The following PDCD11 variants were observed in gnomAD, a reference collection of about 807,000 sequenced individuals.
PDCD11 encodes the protein programmed cell death 11.
In PDCD11, 97 loss-of-function variants were observed where a neutral mutation model predicts 198.9. The ratio of observed to expected loss-of-function variants is 0.49; its 90% CI spans 0.41 to 0.58. The LOEUF (loss-of-function observed/expected upper bound fraction) is 0.58. Ranked by LOEUF, PDCD11 falls within the 20% of genes least tolerant of loss-of-function variation. PDCD11 has a pLI of 0.00. For synonymous variants in PDCD11, 893 were observed against 918.0 expected (o/e 0.97, Z 0.49); for missense variants, 2,102 against 2,312.7 (o/e 0.91, Z 1.87).
intron 8 of PDCD11, among the ~76,000 whole-genome samples, chr10:103,410,253 G>A (rs995510743): frequency 6.0e-5 from 9 of 151,144 alleles, no homozygotes; most frequent in African/African-American, 2.2e-4. Context: ...AAAAAAAAGT[G>A]TTATGGAAGG....
intron 7 of PDCD11, among the ~76,000 whole-genome samples, chr10:103,408,472 C>T (rs752651396): frequency 2.0e-5 from 3 of 152,108 alleles, no homozygotes; most frequent in Admixed American, 6.5e-5. Context: ...TACTAAAAAA[C>T]TGTGAGCAAG....
chr10:103,419,414 T>C, intron 15 of PDCD11, 124 bp from the exon 16 acceptor site: 1 of 1,079,586 alleles, frequency 9.3e-7, no homozygotes, highest in South Asian at 1.6e-5. Context: ...TCTGCACACT[T>C]AGAGAATCGC....
In PDCD11 at chr10:103,441,816, G is replaced by T. The variant is rs746598611; in HGVS notation, c.4558-10G>T. 2.5e-6 allele frequency: 4 copies of T among 1,613,678 alleles called. No individual in the cohort carries two copies. In the South Asian group the frequency reaches 4.4e-5, roughly 18 times the overall value. ...CAGGTGCTTTCTTTAGCGCCTCTGT[G>T]TTCCTCCAGGAGAAGCAAACCAAGC... On this transcript the variant is annotated splice_polypyrimidine_tract_variant and intron_variant, in intron 30 of 35. Transcript: ENST00000369797.
intron 7 of PDCD11, among the ~76,000 whole-genome samples, chr10:103,408,028 C>T (rs2030567198): frequency 6.6e-6 from 1 of 152,146 alleles, no homozygotes; most frequent in African/African-American, 2.4e-5. Context: ...CTACTATGAC[C>T]TTGAACAGCT....
chr10:103,406,932 C>A, intron 7 of PDCD11, 142 bp downstream of exon 7: 1 of 582,086 alleles, frequency 1.7e-6, no homozygotes, highest in Non-Finnish European at 2.9e-6. Flanking sequence ...GTGGCCAGTG[C>A]CACATGTTGA....
At chr10:103,421,600 AG>A in intron 17 of PDCD11, 33 bp downstream of exon 17, 1 of 1,249,474 alleles carries the variant, frequency 8.0e-7, no homozygotes. Context: ...GAGGTGGGCC[AG>A]GGGTGGGAGT....
At chr10:103,425,706 G>T (rs2031667289) in intron 20 of PDCD11, among the ~76,000 whole-genome samples, 181 bp downstream of exon 20, 1 of 151,782 alleles carries the variant, frequency 6.6e-6, no homozygotes, top group Admixed American at 6.6e-5. Context: ...TTGAGACGGA[G>T]TCTCACTCTG....
chr10:103,445,623 A>T lies in PDCD11; in HGVS notation c.*74A>T. On this transcript the variant is annotated 3_prime_UTR_variant, in exon 36 of 36. Coordinates refer to ENST00000369797, the MANE Select transcript of PDCD11 (RefSeq NM_014976.2). ...CCGCCTCGAGTGCCTGGGCACTCGG[A>T]AAACTGTTACCTCAGGACTCTATTT... is the stretch of plus-strand genomic sequence containing the variant. 7.8e-7 allele frequency: 1 copy of T among 1,285,326 alleles called. No individual in the cohort carries two copies. Among genetic ancestry groups the T allele is most frequent in the South Asian group, 1.3e-5 (1 of 78,332 alleles). 79.6% of individuals were successfully genotyped at this position (1,285,326 alleles called of 1,614,324 possible).
chr10:103,403,825 C>CTG (rs1454208105), intron 4 of PDCD11, among the ~76,000 whole-genome samples: 2 of 152,080 alleles, frequency 1.3e-5, no homozygotes, highest in Non-Finnish European at 2.9e-5. Flanking sequence ...TTCCTGAGGA[C>CTG]TGAGGAGGCA....
intron 3 of PDCD11, among the ~76,000 whole-genome samples, chr10:103,402,729 G>A (rs1271348572): frequency 6.6e-6 from 1 of 150,990 alleles, no homozygotes; most frequent in East Asian, 2.0e-4. Context: ...ATGAGCCACT[G>A]TACCCGGCCT....
rs901297183 is a variant in PDCD11 at position 103,400,226 on chromosome 10, C to A, written c.103-171C>A. Reference sequence around the variant, plus strand: ...AGAGGGAACATTGGCGGCCCCCCCCCTTTTTTTTTTTTTTTTAAGCAAGAA... The same window carrying A: ...AGAGGGAACATTGGCGGCCCCCCCCATTTTTTTTTTTTTTTTAAGCAAGAA... On this transcript the variant is annotated intron_variant, in intron 2 of 35. Transcript: ENST00000369797. 2.1e-4 allele frequency among the ~76,000 whole-genome samples: 28 copies of A among 135,388 alleles called. No homozygotes were observed. The East Asian group carries it at 2.2e-3, about 11-fold the overall frequency. The allele number at this position is 135,388 out of a possible 152,430, so 88.8% of individuals were successfully genotyped here.
chr10:103,437,215 C>G (rs1361669114), intron 25 of PDCD11, among the ~76,000 whole-genome samples: 2 of 152,194 alleles, frequency 1.3e-5, no homozygotes, highest in African/African-American at 4.8e-5. Flanking sequence ...GATCGTAGCT[C>G]ACTGCAACCT....
chr10:103,435,026 TAAA>T, intron 25 of PDCD11, 51 bp downstream of exon 25: 1 of 1,284,110 alleles, frequency 7.8e-7, no homozygotes, highest in African/African-American at 1.5e-5. Flanking sequence ...TTGGTATATT[TAAA>T]AAAAAACGTT....
At chr10:103,421,016 C>T (rs1402124667) in intron 16 of PDCD11, among the ~76,000 whole-genome samples, 1 of 152,114 alleles carries the variant, frequency 6.6e-6, no homozygotes, top group Admixed American at 6.5e-5. Context: ...GCTGGAATTG[C>T]AGGTGCATGC....
At chr10:103,406,913 A>G (rs992341659) in intron 7 of PDCD11, 123 bp downstream of exon 7, 1 of 699,332 alleles carries the variant, frequency 1.4e-6, no homozygotes, top group East Asian at 3.0e-5. Context: ...CCCATTGAGC[A>G]TTTCAAATGT....
In PDCD11 at chr10:103,432,216, T is replaced by TA; in HGVS notation, c.3457dup (p.Thr1153AsnfsTer15). Reference sequence around the variant, plus strand: ...AACAGTACCAGGCCGGCCAGACTGTTACTTGCTTCTTAAAGAAAGTAAGTA... The same window carrying TA: ...AACAGTACCAGGCCGGCCAGACTGTTAACTTGCTTCTTAAAGAAAGTAAGTA... On this transcript the variant is annotated frameshift_variant, in exon 22 of 36. Coordinates refer to ENST00000369797, the MANE Select transcript of PDCD11 (RefSeq NM_014976.2). LOFTEE classifies it high-confidence loss of function. 2 of 1,612,380 alleles carry TA rather than the reference T, an allele frequency of 1.2e-6. No homozygotes were observed. Among genetic ancestry groups the TA allele is most frequent in the Non-Finnish European group, 1.7e-6 (2 of 1,178,364 alleles).
rs1302742155 is a variant in PDCD11, at chr10:103,445,657, CT to C, written c.*113del. The C allele has an allele frequency of 1.2e-6, 1 of 850,136 alleles. No homozygotes were observed. The highest frequency in any genetic ancestry group is 1.8e-6 in the Non-Finnish European group (1 of 553,262). The allele number at this position is 850,136 out of a possible 1,614,324, so 52.7% of individuals were successfully genotyped here. A position where few individuals can be genotyped will look rare whatever the true frequency, so the allele number is the denominator to read the frequency against. On this transcript the variant is annotated 3_prime_UTR_variant, in exon 36 of 36. Transcript: ENST00000369797. ...ACCTCAGGACTCTATTTAAATGCTG[CT>C]TTTTCTGCAGCACGCTTGGGGAAAT...
Position 103,421,472 on chromosome 10 carries a change from A to G in PDCD11, c.2402A>G (p.Asp801Gly). 3.1e-6 allele frequency: 5 copies of G among 1,601,408 alleles called. No individual in the cohort carries two copies. Among genetic ancestry groups the G allele is most frequent in the Admixed American group, 1.7e-5 (1 of 57,692 alleles). The change falls in exon 17 of 36, where the codon GAC becomes GGC. Residue 801 changes from aspartate to glycine, a missense_variant. Transcript: ENST00000369797. ...QRMLLSLRLS[D>G]CGLGDLAITS... The stretch of plus-strand genomic sequence containing the variant: ...ATGCTGCTGTCACTGCGGCTGTCGG[A>G]CTGTGGTCTGGGGGACTTGGCTATC...
intron 33 of PDCD11, 72 bp from the exon 34 acceptor site, chr10:103,443,843 T>C: frequency 6.8e-7 from 1 of 1,468,128 alleles, no homozygotes; most frequent in Non-Finnish European, 9.4e-7. Context: ...TTCTTGTGAG[T>C]GTTGCTGCTT....
Sources: allele counts gnomAD v4.1 joint callset (sites outside exome capture counted in the v4.1 genomes callset), GRCh38; gene constraint gnomAD v4.1.1; transcripts MANE v1.5; gene names NCBI Gene and HGNC (gene_info 2026-07-23, HGNC 2026-07-21).